Variants in DLGAP2 observed in about 807,000 individuals in gnomAD.
DLGAP2 encodes DLG associated protein 2.
A neutral mutation model predicts 100.3 loss-of-function variants in DLGAP2; 26 were observed. The ratio of observed to expected loss-of-function variants is 0.26; its 90% CI spans 0.19 to 0.36. The LOEUF is 0.36. DLGAP2 is among the 10% of genes least tolerant of loss of function. DLGAP2 has a pLI of 1.00. For missense variants in DLGAP2, 1,858 were observed against 1,453.2 expected, an observed-to-expected ratio of 1.28 and a Z score of -4.53; for synonymous variants, 886 against 630.1, an observed-to-expected ratio of 1.41 and a Z score of -6.08.
At chr8:745,909 C>G (rs1247982742) in intron 1 of DLGAP2, among the ~76,000 whole-genome samples, 3 of 152,164 alleles carry the variant, frequency 2.0e-5, no homozygotes, top group African/African-American at 7.2e-5. Context: ...AAGAGGAACC[C>G]TAGAAGCCTG....
intron 2 of DLGAP2, among the ~76,000 whole-genome samples, chr8:935,001 C>T (rs927402795): frequency 2.0e-5 from 3 of 152,186 alleles, no homozygotes; most frequent in Non-Finnish European, 2.9e-5. Flanking sequence ...TTTGTAGGAA[C>T]GTGTATTACT....
chr8:1,093,439 A>G (rs1295479994), intron 2 of DLGAP2, among the ~76,000 whole-genome samples: 1 of 151,894 alleles, frequency 6.6e-6, no homozygotes, highest in Non-Finnish European at 1.5e-5. Flanking sequence ...ACCGACAGTC[A>G]GACAGAAACA....
intron 2 of DLGAP2, among the ~76,000 whole-genome samples, chr8:1,111,691 A>G (rs183450845): frequency 1.3e-5 from 2 of 152,270 alleles, no homozygotes; most frequent in African/African-American, 4.8e-5. Flanking sequence ...TTTGCTAAAG[A>G]TAATGGCCTC....
At chr8:1,501,971 G>A (rs911401114) in intron 4 of DLGAP2, among the ~76,000 whole-genome samples, 1 of 152,240 alleles carries the variant, frequency 6.6e-6, no homozygotes, top group Non-Finnish European at 1.5e-5. Flanking sequence ...GCACAGCAAA[G>A]CTGGTGCCAT....
At chr8:997,594 T>G (rs1212627934) in intron 2 of DLGAP2, among the ~76,000 whole-genome samples, 3 of 152,204 alleles carry the variant, frequency 2.0e-5, no homozygotes, top group Non-Finnish European at 4.4e-5. Context: ...ATGTAACTAT[T>G]TGATTTTAAT....
chr8:1,579,136 C>G (rs1313002312), intron 6 of DLGAP2, among the ~76,000 whole-genome samples: 1 of 151,776 alleles, frequency 6.6e-6, no homozygotes, highest in African/African-American at 2.4e-5. Context: ...TTTTTTTCTG[C>G]TTAGTTCAAT....
chr8:1,191,369 A>G (rs1328522183), intron 2 of DLGAP2, among the ~76,000 whole-genome samples: 1 of 151,934 alleles, frequency 6.6e-6, no homozygotes, highest in Non-Finnish European at 1.5e-5. Flanking sequence ...ACGGGATTTC[A>G]CCGTGTTAGC....
intron 2 of DLGAP2, among the ~76,000 whole-genome samples, chr8:946,890 C>T (rs913934275): frequency 6.6e-6 from 1 of 152,230 alleles, no homozygotes; most frequent in African/African-American, 2.4e-5. Context: ...GTAGCACAGT[C>T]TGTGCATAAA....
At chr8:1,277,701 C>T (rs533302485) in intron 3 of DLGAP2, among the ~76,000 whole-genome samples, 9 of 152,248 alleles carry the variant, frequency 5.9e-5, no homozygotes, top group African/African-American at 1.9e-4. Flanking sequence ...AGGCTGGCAG[C>T]AGCTGCACCG....
chr8:843,281 T>C (rs751106526), intron 1 of DLGAP2, among the ~76,000 whole-genome samples: 4 of 152,252 alleles, frequency 2.6e-5, no homozygotes, highest in Non-Finnish European at 4.4e-5. Context: ...TTCCTGGCTC[T>C]GTTCCCTGCC....
At chr8:842,755 A>G (rs919384157) in intron 1 of DLGAP2, among the ~76,000 whole-genome samples, 4 of 151,478 alleles carry the variant, frequency 2.6e-5, no homozygotes, top group African/African-American at 9.7e-5. Context: ...TCAACCTTAT[A>G]TTTTTCTTAA....
chr8:805,950 A>G (rs7463233), intron 1 of DLGAP2, among the ~76,000 whole-genome samples: 37,818 of 152,166 alleles, frequency 0.25, 5,855 homozygotes, highest in African/African-American at 0.44. Context: ...CTGAATTTCA[A>G]CTTGGTCTGT....
chr8:1,638,283 G>C (rs1202074740), intron 8 of DLGAP2, among the ~76,000 whole-genome samples: 3 of 152,138 alleles, frequency 2.0e-5, no homozygotes, highest in Non-Finnish European at 4.4e-5. Flanking sequence ...TGAGGTCACA[G>C]GGGGCCCAAA....
intron 2 of DLGAP2, among the ~76,000 whole-genome samples, chr8:1,258,362 A>C (rs186411033): frequency 2.0e-3 from 292 of 146,920 alleles, no homozygotes; most frequent in Non-Finnish European, 3.4e-3. Flanking sequence ...ACATGATCTC[A>C]TTCGTAAGTG....
At chr8:1,514,025 G>A (rs968136873) in intron 4 of DLGAP2, among the ~76,000 whole-genome samples, 1 of 152,196 alleles carries the variant, frequency 6.6e-6, no homozygotes, top group African/African-American at 2.4e-5. Context: ...TACGTGATAT[G>A]GGGCACAGAT....
At chr8:1,474,981 A>G (rs988208811) in intron 3 of DLGAP2, among the ~76,000 whole-genome samples, 3 of 152,260 alleles carry the variant, frequency 2.0e-5, no homozygotes, top group Non-Finnish European at 4.4e-5. Context: ...GCCTCAACCT[A>G]GATGCCCATC....
At chr8:806,638 C>T (rs1489639548) in intron 1 of DLGAP2, among the ~76,000 whole-genome samples, 5 of 152,308 alleles carry the variant, frequency 3.3e-5, no homozygotes, top group Non-Finnish European at 7.4e-5. Context: ...TCCCTGCTGA[C>T]CCCTTCGGGG....
At chr8:1,063,729 G>A (rs1213912079) in intron 2 of DLGAP2, among the ~76,000 whole-genome samples, 2 of 152,148 alleles carry the variant, frequency 1.3e-5, no homozygotes, top group Admixed American at 6.5e-5. Flanking sequence ...ACAGGACTGA[G>A]CATGGCCAAT....
chr8:1,094,057 A>C (rs112253653), intron 2 of DLGAP2, among the ~76,000 whole-genome samples: 2,009 of 151,206 alleles, frequency 0.013, 47 homozygotes, highest in African/African-American at 0.047. Context: ...TCCGCGGTGG[A>C]GGGAGGGCAG....
Sources: allele counts gnomAD v4.1 joint callset (sites outside exome capture counted in the v4.1 genomes callset), GRCh38; gene constraint gnomAD v4.1.1; transcripts MANE v1.5; gene names NCBI Gene and HGNC (gene_info 2026-07-23, HGNC 2026-07-21).